Variants in HIPK2 observed in about 807,000 individuals in gnomAD.
HIPK2 encodes the protein homeodomain interacting protein kinase 2.
In HIPK2, 27 loss-of-function variants were observed where a neutral mutation model predicts 113.7. The ratio of observed to expected loss-of-function variants is 0.24; its 90% CI spans 0.17 to 0.33. The LOEUF is 0.33. HIPK2 is among the 10% of genes least tolerant of loss of function. The probability of loss-of-function intolerance (pLI) is 1.00; values close to 1 mark genes in which losing one functional copy is unlikely to be tolerated. For synonymous variants in HIPK2, 631 were observed against 642.2 expected (o/e 0.98, Z 0.26); for missense variants, 1,257 against 1,588.0 (o/e 0.79, Z 3.54).
In HIPK2 at chr7:139,566,397, A is replaced by C. The variant is rs1798092258; in HGVS notation, c.*6530T>G. On this transcript the variant is annotated 3_prime_UTR_variant, in exon 15 of 15. Coordinates refer to ENST00000406875, the MANE Select transcript of HIPK2 (RefSeq NM_022740.5). This position sits in a 1 kb window ranked among gnomAD's most constrained non-coding sequence, Gnocchi z 4.1. ...TCTCACAGGGCTACGGAGAAGATGA[A>C]ACAGGACAACCCATGAGCAATTCCC... The C allele has an allele frequency of 6.6e-6, 1 of 152,284 alleles. No homozygotes were observed. The highest frequency in any genetic ancestry group is 2.1e-4 in the South Asian group (1 of 4,834). The allele number at this position is 152,284 out of a possible 1,614,324, so 9.4% of individuals were successfully genotyped here.
At chr7:139,582,765 G>A (rs1483531843) in intron 13 of HIPK2, among the ~76,000 whole-genome samples, 2 of 152,264 alleles carry the variant, frequency 1.3e-5, no homozygotes, top group Admixed American at 1.3e-4. Flanking sequence ...GCAATGCCAT[G>A]AGCTCTTGGG....
Position 139,646,977 on chromosome 7 carries a change from G to A in HIPK2, c.1104-15252C>T, listed in dbSNP as rs979055390. 3.9e-5 allele frequency among the ~76,000 whole-genome samples: 6 copies of A among 152,148 alleles called. No homozygotes were observed. The South Asian group carries it at 1.0e-3, about 26-fold the overall frequency. ...AAGCATGTCTGGCCTGGCTCTCATGGAAAGCCTTTGAAGCTTTCTACTCAA... is the reference window on the plus strand; with the variant it reads ...AAGCATGTCTGGCCTGGCTCTCATGAAAAGCCTTTGAAGCTTTCTACTCAA... On this transcript the variant is annotated intron_variant, in intron 2 of 14. Transcript: ENST00000406875.
In HIPK2 at chr7:139,716,188, T is replaced by C. The variant is rs1345862175; in HGVS notation, c.847A>G (p.Asn283Asp). Residue 283 changes from asparagine to aspartate, a missense_variant, in exon 2 of 15, where the codon AAC (asparagine) becomes GAC (aspartate). Physicochemically the swap from Asn to Asp is conservative, Grantham distance 23. This residue lies in a region of HIPK2 where 78 missense variants were observed against 145.7 expected (regional missense o/e 0.54). Coordinates refer to ENST00000406875, the MANE Select transcript of HIPK2 (RefSeq NM_022740.5). This position sits in a 1 kb window ranked among gnomAD's most constrained non-coding sequence, Gnocchi z 9.3. Reference protein sequence around the residue: ...TCLVFEMLEQNLYDFLKQNKF... With the variant: ...TCLVFEMLEQDLYDFLKQNKF... ...TTTTGCTTCAGAAAGTCATAGAGGT[T>C]CTGCTCCAACATCTCGAAGACCAAG... The C allele has an allele frequency of 2.9e-5, 47 of 1,613,928 alleles. No individual in the cohort carries two copies. Among genetic ancestry groups the C allele is most frequent in the Non-Finnish European group, 3.8e-5 (45 of 1,179,896 alleles).
At chr7:139,640,389 G>A (rs771619302) in intron 2 of HIPK2, among the ~76,000 whole-genome samples, 5 of 152,200 alleles carry the variant, frequency 3.3e-5, no homozygotes, top group Non-Finnish European at 5.9e-5. Context: ...CAGTGGAGGT[G>A]TAGAGGCTGC....
chr7:139,595,682 G>C (rs1412629809), intron 12 of HIPK2, among the ~76,000 whole-genome samples: 1 of 152,056 alleles, frequency 6.6e-6, no homozygotes, highest in Non-Finnish European at 1.5e-5. Context: ...TTATAAAGAG[G>C]GAAGGGAACG....
In HIPK2 at chr7:139,572,853, G is replaced by A. The variant is rs1347477491; in HGVS notation, c.*74C>T. 2.0e-5 allele frequency: 23 copies of A among 1,139,268 alleles called. No individual in the cohort carries two copies. The highest frequency in any genetic ancestry group is 2.5e-5 in the Non-Finnish European group (22 of 885,300). 70.6% of individuals were successfully genotyped at this position (1,139,268 alleles called of 1,614,324 possible). A position where few individuals can be genotyped will look rare whatever the true frequency, so the allele number is the denominator to read the frequency against. On this transcript the variant is annotated 3_prime_UTR_variant, in exon 15 of 15. Transcript: ENST00000406875. ...AAGGCCAGCGCCCACGGTCCCAGGA[G>A]CGCCTCCCTCCTTCTCTCCCTCCTC...
At chr7:139,640,636 T>A (rs978625655) in intron 2 of HIPK2, among the ~76,000 whole-genome samples, 1 of 152,112 alleles carries the variant, frequency 6.6e-6, no homozygotes, top group Non-Finnish European at 1.5e-5. Flanking sequence ...AATAAACAGA[T>A]CATCCCTCTT....
chr7:139,700,555 T>C (rs1177991853), intron 2 of HIPK2, among the ~76,000 whole-genome samples: 3 of 152,118 alleles, frequency 2.0e-5, no homozygotes, highest in Non-Finnish European at 4.4e-5. Context: ...GGTATTTCCT[T>C]TGTGTACATC....
chr7:139,602,862 C>T (rs570003097), intron 10 of HIPK2, among the ~76,000 whole-genome samples: 3 of 152,352 alleles, frequency 2.0e-5, no homozygotes, highest in South Asian at 2.1e-4. Context: ...GCAGGCATTA[C>T]TATCCCCACT....
rs1015074286 is a variant in HIPK2 at position 139,570,168 on chromosome 7, C to T, written c.*2759G>A. On this transcript the variant is annotated 3_prime_UTR_variant, in exon 15 of 15. Transcript: ENST00000406875. ...TGCTCTCCAGTAAGGCGAACTGAGG[C>T]TCATTTGCAGCCAAGACTTGGAACT... 2.0e-5 allele frequency: 3 copies of T among 152,022 alleles called. No individual in the cohort carries two copies. The highest frequency in any genetic ancestry group is 4.8e-5 in the African/African-American group (2 of 41,362). The allele number at this position is 152,022 out of a possible 1,614,324, so 9.4% of individuals were successfully genotyped here. A position where few individuals can be genotyped will look rare whatever the true frequency, so the allele number is the denominator to read the frequency against.
chr7:139,594,457 A>AT (rs966081827), intron 12 of HIPK2, among the ~76,000 whole-genome samples: 14 of 149,736 alleles, frequency 9.3e-5, no homozygotes, highest in East Asian at 3.9e-4. Context: ...ATTTCCCCAC[A>AT]TTTTTTTTTT....
At chr7:139,697,728 T>C in intron 2 of HIPK2, among the ~76,000 whole-genome samples, 1 of 152,318 alleles carries the variant, frequency 6.6e-6, no homozygotes, top group Middle Eastern at 3.4e-3. Context: ...TCATCACTCA[T>C]AACGTTGTAC....
chr7:139,686,297 GCTT>G (rs1191824006), intron 2 of HIPK2, among the ~76,000 whole-genome samples: 1 of 152,212 alleles, frequency 6.6e-6, no homozygotes, highest in Non-Finnish European at 1.5e-5. Flanking sequence ...ATGAGGAGTT[GCTT>G]CTTATGAACG....
At chr7:139,648,164 T>C (rs1569463781) in intron 2 of HIPK2, among the ~76,000 whole-genome samples, 2 of 152,200 alleles carry the variant, frequency 1.3e-5, no homozygotes, top group Non-Finnish European at 2.9e-5. Flanking sequence ...TCCTTTTCAT[T>C]TGGCCTCAAA....
intron 1 of HIPK2, among the ~76,000 whole-genome samples, chr7:139,763,472 G>GCCCCCCCCCCCCCCCCCC (rs547691856): frequency 9.9e-6 from 1 of 100,792 alleles, no homozygotes; most frequent in Non-Finnish European, 1.8e-5. Flanking sequence ...GCCGGAACAC[G>GCCCCCCCCCCCCCCCCCC]CCCCCCCCCC....
In HIPK2 at chr7:139,614,329, G is replaced by C; in HGVS notation, c.1947C>G (p.Asp649Glu). The C allele has an allele frequency of 6.4e-7, 1 of 1,568,136 alleles. No individual in the cohort carries two copies. The highest frequency in any genetic ancestry group is 8.7e-7 in the Non-Finnish European group (1 of 1,150,438). Residue 649 changes from aspartate (D) to glutamate (E), a missense_variant, in exon 8 of 15, where the codon GAC (aspartate) becomes GAG (glutamate). By Grantham distance (45) the Asp-to-Glu change is conservative. Transcript: ENST00000406875. ...TGTAQICARP[D>E]PFQQALIVCP... ...ACACGATGAGAGCTTGCTGGAACGG[G>C]TCAGGCCGGGCACAAATCTGGGCTG...
Position 139,704,247 on chromosome 7 carries a change from C to CT in HIPK2, c.1103+11684dup, listed in dbSNP as rs1410471366. Among the ~76,000 whole-genome samples, 833 of 130,232 alleles carry CT rather than the reference C, an allele frequency of 6.4e-3. 104 individuals carry two copies. Among genetic ancestry groups the CT allele is most frequent in the Non-Finnish European group, 0.011 (679 of 60,388 alleles). 85.4% of individuals were successfully genotyped at this position (130,232 alleles called of 152,430 possible). On this transcript the variant is annotated intron_variant, in intron 2 of 14. Transcript: ENST00000406875. ...CACACTACACCCAACACATGCACCC[C>CT]TCCACACCCACACTATACCCAACAT... is the stretch of plus-strand genomic sequence containing the variant.
At chr7:139,703,616 A>G (rs929200313) in intron 2 of HIPK2, among the ~76,000 whole-genome samples, 33 of 151,996 alleles carry the variant, frequency 2.2e-4, no homozygotes, top group African/African-American at 6.5e-4. Context: ...CTAAATACAG[A>G]GAACACCATG....
At chr7:139,689,119 G>A (rs1794322078) in intron 2 of HIPK2, among the ~76,000 whole-genome samples, 1 of 152,176 alleles carries the variant, frequency 6.6e-6, no homozygotes. Context: ...GGAGACGCCC[G>A]ATGAGTGCCA....
Sources: gnomAD v4.1 joint callset for allele counts (sites outside exome capture counted in the v4.1 genomes callset) on GRCh38, gnomAD v4.1.1 for gene constraint, gnomAD v4.1.1 regional missense constraint, Gnocchi (gnomAD v3.1) non-coding constraint, MANE v1.5 for transcripts, NCBI Gene and HGNC (gene_info 2026-07-23, HGNC 2026-07-21) for gene names.